The following TEX2 variants were observed in gnomAD, a reference collection of about 807,000 sequenced individuals.
TEX2 encodes testis expressed 2.
TEX2 carries 53 observed loss-of-function variants against 106.9 expected under a neutral mutation model. The ratio of observed to expected loss-of-function variants is 0.50; its 90% CI spans 0.40 to 0.62. The LOEUF (loss-of-function observed/expected upper bound fraction) is 0.62. Ranked by LOEUF, TEX2 falls within the 20% of genes least tolerant of loss-of-function variation. TEX2 has a pLI of 0.00. For synonymous variants in TEX2, 523 were observed against 534.8 expected (o/e 0.98, Z 0.30); for missense variants, 1,207 against 1,379.0 (o/e 0.88, Z 1.98).
intron 7 of TEX2, among the ~76,000 whole-genome samples, chr17:64,168,254 G>T (rs2031229820): frequency 6.6e-6 from 1 of 152,092 alleles, no homozygotes; most frequent in African/African-American, 2.4e-5. Flanking sequence ...TTCTTTCACG[G>T]TCATTTCTGT....
intron 8 of TEX2, among the ~76,000 whole-genome samples, chr17:64,159,095 G>C (rs550247621): frequency 6.6e-6 from 1 of 152,276 alleles, no homozygotes; most frequent in South Asian, 2.1e-4. Context: ...TTATGAACTT[G>C]AAACTGGGCT....
At chr17:64,242,224 C>T (rs1242270357) in intron 1 of TEX2, 2 of 152,108 alleles carry the variant, frequency 1.3e-5, no homozygotes, top group African/African-American at 4.8e-5. Context: ...CATAATGTAA[C>T]ATTACAGCAC....
chr17:64,150,676 C>T, intron 11 of TEX2, 165 bp downstream of exon 11: 1 of 665,618 alleles, frequency 1.5e-6, no homozygotes, highest in Non-Finnish European at 2.4e-6. Flanking sequence ...TGATACTGTA[C>T]CTGAAGTTTT....
At chr17:64,189,018 A>G (rs2143866488) in intron 4 of TEX2, among the ~76,000 whole-genome samples, 2 of 152,288 alleles carry the variant, frequency 1.3e-5, no homozygotes, top group Middle Eastern at 6.8e-3. Flanking sequence ...ACACATCCCA[A>G]GTAGTGGCGA....
At chr17:64,219,932 A>G (rs1555633088) in intron 1 of TEX2, among the ~76,000 whole-genome samples, 1 of 152,328 alleles carries the variant, frequency 6.6e-6, no homozygotes, top group Non-Finnish European at 1.5e-5. Flanking sequence ...GATATGATTG[A>G]GATGGAAAGA....
At chr17:64,202,668 T>C (rs945286141) in intron 2 of TEX2, among the ~76,000 whole-genome samples, 2 of 152,214 alleles carry the variant, frequency 1.3e-5, no homozygotes, top group African/African-American at 4.8e-5. Context: ...CCTGAATTTC[T>C]TACCAGGTAA....
chr17:64,242,237 T>C (rs1282998874), intron 1 of TEX2: 2 of 152,200 alleles, frequency 1.3e-5, no homozygotes, highest in Non-Finnish European at 2.9e-5. Flanking sequence ...TACAGCACTG[T>C]TGCTATAAGA....
intron 1 of TEX2, among the ~76,000 whole-genome samples, chr17:64,237,373 T>C (rs2033793961): frequency 6.6e-6 from 1 of 151,758 alleles, no homozygotes; most frequent in African/African-American, 2.4e-5. Context: ...CTAGTTTTTT[T>C]CCTAAGGGAA....
intron 1 of TEX2, among the ~76,000 whole-genome samples, chr17:64,259,293 CATT>C (rs2034245590): frequency 6.6e-6 from 1 of 152,184 alleles, no homozygotes; most frequent in African/African-American, 2.4e-5. Context: ...GCATCCCTCT[CATT>C]AATGGTGCTT....
chr17:64,162,265 C>G (rs2030922437), intron 7 of TEX2, among the ~76,000 whole-genome samples: 1 of 152,146 alleles, frequency 6.6e-6, no homozygotes, highest in Non-Finnish European at 1.5e-5. Flanking sequence ...AAGGGTATAT[C>G]TGCTTTAATA....
At chr17:64,164,728 T>C (rs2031048308) in intron 7 of TEX2, among the ~76,000 whole-genome samples, 1 of 152,330 alleles carries the variant, frequency 6.6e-6, no homozygotes, top group Non-Finnish European at 1.5e-5. Context: ...AAAAGTGGCC[T>C]AGGCCAGCTG....
At chr17:64,162,190 G>A (rs2030919421) in intron 7 of TEX2, among the ~76,000 whole-genome samples, 1 of 152,128 alleles carries the variant, frequency 6.6e-6, no homozygotes, top group African/African-American at 2.4e-5. Flanking sequence ...TGTATTTCTT[G>A]TTTACATTAA....
At chr17:64,216,622 A>G (rs2033195743) in intron 1 of TEX2, among the ~76,000 whole-genome samples, 1 of 152,206 alleles carries the variant, frequency 6.6e-6, no homozygotes, top group Admixed American at 6.5e-5. Flanking sequence ...GGGCAAAGTT[A>G]GGCCCAGCCT....
intron 1 of TEX2, among the ~76,000 whole-genome samples, chr17:64,256,759 G>A (rs1555637797): frequency 6.6e-6 from 1 of 152,144 alleles, no homozygotes; most frequent in African/African-American, 2.4e-5. Flanking sequence ...CTTGGCCCTG[G>A]TAGATGCTCA....
At chr17:64,186,797 G>A (rs2143847669) in intron 5 of TEX2, among the ~76,000 whole-genome samples, 1 of 152,112 alleles carries the variant, frequency 6.6e-6, no homozygotes, top group East Asian at 1.9e-4. Context: ...CTGCACTCCA[G>A]CCTGGGTGAC....
chr17:64,178,376 A>C (rs2031699303), intron 5 of TEX2, among the ~76,000 whole-genome samples: 1 of 152,230 alleles, frequency 6.6e-6, no homozygotes, highest in Admixed American at 6.5e-5. Context: ...CTGAGAGCTC[A>C]GTAATGTAGC....
At chr17:64,200,267 G>C (rs1352862058) in intron 2 of TEX2, among the ~76,000 whole-genome samples, 1 of 152,172 alleles carries the variant, frequency 6.6e-6, no homozygotes, top group African/African-American at 2.4e-5. Flanking sequence ...ACATACACCA[G>C]CTCATCTGTT....
Position 64,197,612 on chromosome 17 carries a change from G to A in TEX2, c.1645-2517C>T, listed in dbSNP as rs550425352. Among the ~76,000 whole-genome samples, 5 of 152,206 alleles carry A rather than the reference G, an allele frequency of 3.3e-5. No homozygotes were observed. The South Asian group carries it at 1.0e-3, about 32-fold the overall frequency. On this transcript the variant is annotated intron_variant, in intron 2 of 11. Coordinates refer to ENST00000584379, the MANE Select transcript of TEX2 (RefSeq NM_001288732.2). ...CTTTCTCTGTCATCCTGGCTGTACTGCAGTGGCACAATCATAACTTACTGT... is the reference window on the plus strand; with the variant it reads ...CTTTCTCTGTCATCCTGGCTGTACTACAGTGGCACAATCATAACTTACTGT...
chr17:64,260,120 C>T (rs1031320174), intron 1 of TEX2, among the ~76,000 whole-genome samples: 1 of 152,190 alleles, frequency 6.6e-6, no homozygotes, highest in African/African-American at 2.4e-5. Context: ...CCAATAGCCT[C>T]GTGAATTACT....
Sources: gnomAD v4.1 joint callset for allele counts (sites outside exome capture counted in the v4.1 genomes callset) on GRCh38, gnomAD v4.1.1 for gene constraint, MANE v1.5 for transcripts, NCBI Gene and HGNC (gene_info 2026-07-23, HGNC 2026-07-21) for gene names.